Variants in ATF3 observed in about 807,000 individuals in gnomAD.
ATF3 encodes the protein activating transcription factor 3, also known as cyclic AMP-dependent transcription factor ATF-3.
A neutral mutation model predicts 18.4 loss-of-function variants in ATF3; 10 were observed. That is an observed-to-expected ratio of 0.54 (90% CI 0.34 to 0.92). The LOEUF (loss-of-function observed/expected upper bound fraction) is 0.92, where lower values mean the gene tolerates loss of function less well. ATF3 is among the 40% of genes least tolerant of loss of function. The probability of loss-of-function intolerance (pLI) is 0.02; values close to 1 mark genes in which losing one functional copy is unlikely to be tolerated. For missense variants in ATF3, 183 were observed against 222.3 expected, an observed-to-expected ratio of 0.82 and a Z score of 1.12; for synonymous variants, 78 against 87.9, an observed-to-expected ratio of 0.89 and a Z score of 0.63.
In ATF3 at chr1:212,595,735, A is replaced by G. The variant is rs1664980631; in HGVS notation, c.-4-19283A>G. 2.0e-5 allele frequency among the ~76,000 whole-genome samples: 3 copies of G among 152,178 alleles called. No individual in the cohort carries two copies. In the South Asian group the frequency reaches 6.2e-4, roughly 31 times the overall value. ...CAGTCCCACCCTTAACAAGTTTCAC[A>G]TTGGCTTAATGCTCTGCTGTCACTG... On this transcript the variant is annotated intron_variant, in intron 1 of 3. Coordinates refer to the ATF3 transcript ENST00000366981.
intron 1 of ATF3, among the ~76,000 whole-genome samples, chr1:212,568,150 G>A (rs1558222085): frequency 6.6e-6 from 1 of 152,130 alleles, no homozygotes; most frequent in South Asian, 2.1e-4. Flanking sequence ...TGCTCTTGTG[G>A]TTTGTTACTG....
intron 1 of ATF3, among the ~76,000 whole-genome samples, chr1:212,569,639 C>T (rs908890597): frequency 6.6e-6 from 1 of 151,256 alleles, no homozygotes; most frequent in African/African-American, 2.5e-5. Flanking sequence ...AACATCTTCC[C>T]ACTTCATTCT....
intron 1 of ATF3, among the ~76,000 whole-genome samples, chr1:212,588,007 G>A (rs927187049): frequency 1.3e-5 from 2 of 152,054 alleles, no homozygotes; most frequent in African/African-American, 2.4e-5. Context: ...TCAGCATGTG[G>A]GGTGACAGCG....
In ATF3 at chr1:212,619,298, C is replaced by G; in HGVS notation, c.349-60C>G. On this transcript the variant is annotated intron_variant, in intron 3 of 3. Transcript: ENST00000341491. This position sits in a 1 kb window ranked among gnomAD's most constrained non-coding sequence, Gnocchi z 4.4. Reference sequence around the variant, plus strand: ...CCCTGCATCCAGGCAGCAGCCCAGGCCACCCCCTCCTCACTGGCCCTTGGC... The same window carrying G: ...CCCTGCATCCAGGCAGCAGCCCAGGGCACCCCCTCCTCACTGGCCCTTGGC... 6.2e-7 allele frequency: 1 copy of G among 1,611,902 alleles called. No homozygotes were observed. Among genetic ancestry groups the G allele is most frequent in the Non-Finnish European group, 8.5e-7 (1 of 1,179,920 alleles).
intron 1 of ATF3, among the ~76,000 whole-genome samples, chr1:212,600,014 A>AG (rs1654437862): frequency 6.6e-6 from 1 of 152,268 alleles, no homozygotes; most frequent in South Asian, 2.1e-4. Flanking sequence ...GAAAAGATCC[A>AG]GGGGAAAAAG....
chr1:212,572,696 A>G (rs931122851), intron 1 of ATF3, among the ~76,000 whole-genome samples: 6 of 152,246 alleles, frequency 3.9e-5, no homozygotes, highest in Admixed American at 2.6e-4. Context: ...CATAAAGCTT[A>G]GTATTCAAAC....
chr1:212,576,363 T>C (rs1664575670), intron 1 of ATF3, among the ~76,000 whole-genome samples: 1 of 152,022 alleles, frequency 6.6e-6, no homozygotes, highest in Non-Finnish European at 1.5e-5. Flanking sequence ...GGTTGATCTT[T>C]TTCTGTAAGT....
chr1:212,566,599 G>A (rs996737764), intron 1 of ATF3, among the ~76,000 whole-genome samples: 2 of 152,084 alleles, frequency 1.3e-5, no homozygotes, highest in African/African-American at 4.8e-5. Context: ...TGGAGGTCAC[G>A]GTCAGCTGTG....
chr1:212,603,774 A>ATGTGTGTG (rs200683844), upstream of ATF3, among the ~76,000 whole-genome samples: 87 of 81,946 alleles, frequency 1.1e-3, no homozygotes, highest in African/African-American at 4.8e-3. Context: ...GTGTGTATAT[A>ATGTGTGTG]TATGTGTGTG....
chr1:212,598,999 T>C (rs1227180243), intron 1 of ATF3, among the ~76,000 whole-genome samples: 1 of 152,212 alleles, frequency 6.6e-6, no homozygotes, highest in African/African-American at 2.4e-5. Flanking sequence ...TGCTGGATCA[T>C]ATGGTAGCTC....
In ATF3 at chr1:212,619,245, G is replaced by A. The variant is rs942379643; in HGVS notation, c.349-113G>A. On this transcript the variant is annotated intron_variant, in intron 3 of 3. Coordinates refer to ENST00000341491, the MANE Select transcript of ATF3 (RefSeq NM_001674.4). This position sits in a 1 kb window ranked among gnomAD's most constrained non-coding sequence, Gnocchi z 4.4. ...ATCTCCCATCTTCCTCTCGCAGCTT[G>A]ATGAGCCCCGGTGTGTCCCAGGTAC... 2.7e-5 allele frequency: 43 copies of A among 1,610,354 alleles called. No individual in the cohort carries two copies. The African/African-American group carries it at 5.6e-4, about 21-fold the overall frequency.
chr1:212,599,600 A>C (rs994070789), intron 1 of ATF3, among the ~76,000 whole-genome samples: 4 of 152,036 alleles, frequency 2.6e-5, no homozygotes, highest in African/African-American at 9.7e-5. Context: ...TTACTTTGAT[A>C]TCCCCAACAT....
At chr1:212,581,451 G>A (rs1453374711) in intron 1 of ATF3, among the ~76,000 whole-genome samples, 1 of 152,154 alleles carries the variant, frequency 6.6e-6, no homozygotes, top group Admixed American at 6.5e-5. Flanking sequence ...TGAACCCATG[G>A]CATTTCTTAT....
intron 1 of ATF3, among the ~76,000 whole-genome samples, chr1:212,572,904 C>T (rs10157292): frequency 0.22 from 33,289 of 152,090 alleles, 3,927 homozygotes; most frequent in East Asian, 0.32. Flanking sequence ...CAAATTTCTA[C>T]ATACAAATTT....
intron 1 of ATF3, among the ~76,000 whole-genome samples, chr1:212,612,762 A>G (rs1320347580): frequency 6.6e-6 from 1 of 152,152 alleles, no homozygotes; most frequent in Non-Finnish European, 1.5e-5. Flanking sequence ...GGTGTATGTT[A>G]GATCTCCAGG....
chr1:212,585,084 C>T (rs1220065401), intron 1 of ATF3, among the ~76,000 whole-genome samples: 1 of 151,908 alleles, frequency 6.6e-6, no homozygotes, highest in Admixed American at 6.5e-5. Context: ...TTCTGAGTGT[C>T]GGAGGGGTGG....
intron 1 of ATF3, among the ~76,000 whole-genome samples, chr1:212,570,549 T>C (rs1184748526): frequency 6.6e-6 from 1 of 152,174 alleles, no homozygotes; most frequent in Non-Finnish European, 1.5e-5. Context: ...ATAAATCATA[T>C]CTATAGACTT....
At chr1:212,603,277 T>G (rs542369134) in intron 1 of ATF3, among the ~76,000 whole-genome samples, 1 of 152,284 alleles carries the variant, frequency 6.6e-6, no homozygotes, top group East Asian at 1.9e-4. Context: ...TACTAGCCCA[T>G]GCTGCAGACT....
At chr1:212,604,710 C>A (rs1654572721), upstream of ATF3, among the ~76,000 whole-genome samples, 1 of 152,168 alleles carries the variant, frequency 6.6e-6, no homozygotes, top group South Asian at 2.1e-4. Context: ...GTGGCTTTGG[C>A]AGAGGGTCCC....
Sources: allele counts gnomAD v4.1 joint callset (sites outside exome capture counted in the v4.1 genomes callset), GRCh38; gene constraint gnomAD v4.1.1; non-coding constraint Gnocchi (gnomAD v3.1); transcripts MANE v1.5; gene names NCBI Gene and HGNC (gene_info 2026-07-23, HGNC 2026-07-21).